Variants in SCAMP1 observed in about 807,000 individuals in gnomAD.
The protein encoded by SCAMP1 is secretory carrier-associated membrane protein 1.
In SCAMP1, 15 loss-of-function variants were observed where a neutral mutation model predicts 41.8. That is an observed-to-expected ratio of 0.36 (90% confidence interval 0.24 to 0.55). SCAMP1 has a LOEUF of 0.55. Among genes scored for constraint, SCAMP1 ranks in the 20% least tolerant of loss-of-function variants. The pLI is 0.86. For synonymous variants in SCAMP1, 135 were observed against 136.8 expected (o/e 0.99, Z 0.09); for missense variants, 341 against 412.6 (o/e 0.83, Z 1.50).
intron 2 of SCAMP1, among the ~76,000 whole-genome samples, chr5:78,405,131 A>G (rs1043647116): frequency 5.3e-5 from 8 of 152,198 alleles, no homozygotes; most frequent in Non-Finnish European, 1.2e-4. Flanking sequence ...TCCAGAATGA[A>G]TTACTGATTT....
At chr5:78,472,221 T>C (rs1417387630) in intron 8 of SCAMP1, among the ~76,000 whole-genome samples, 1 of 152,052 alleles carries the variant, frequency 6.6e-6, no homozygotes, top group African/African-American at 2.4e-5. Context: ...AAAGATAAAT[T>C]AGATTTTATC....
At chr5:78,370,074 C>T (rs1164071316) in intron 1 of SCAMP1, among the ~76,000 whole-genome samples, 5 of 152,154 alleles carry the variant, frequency 3.3e-5, no homozygotes, top group African/African-American at 7.2e-5. Context: ...TGAAACCTGG[C>T]GTTCTTCTTT....
At chr5:78,374,053 A>G (rs1751008403) in intron 1 of SCAMP1, among the ~76,000 whole-genome samples, 1 of 152,146 alleles carries the variant, frequency 6.6e-6, no homozygotes, top group Non-Finnish European at 1.5e-5. Flanking sequence ...TAGGTTATTT[A>G]GTAACGTATA....
At chr5:78,459,446 C>G (rs1036875723) in intron 8 of SCAMP1, 84 bp downstream of exon 8, 2 of 696,440 alleles carry the variant, frequency 2.9e-6, no homozygotes, top group Non-Finnish European at 5.0e-6. Flanking sequence ...TTTGGTGTAA[C>G]CTGAAGCCAT....
In SCAMP1 at chr5:78,480,717, AAAAT is replaced by A. The variant is rs945802697; in HGVS notation, c.*5054_*5057del. ...TCAGAAAGTGATACATGAGAAAATA[AAAAT>A]AAATCCTTAATTCTGTCATCTTGGG... On this transcript the variant is annotated 3_prime_UTR_variant, in exon 9 of 9. Transcript: ENST00000621999. 6.6e-6 allele frequency among the ~76,000 whole-genome samples: 1 copy of A among 152,184 alleles called. No individual in the cohort carries two copies. The highest frequency in any genetic ancestry group is 2.4e-5 in the African/African-American group (1 of 41,450).
chr5:78,420,186 G>C (rs1050820722), intron 5 of SCAMP1, among the ~76,000 whole-genome samples: 1 of 152,130 alleles, frequency 6.6e-6, no homozygotes, highest in Admixed American at 6.5e-5. Flanking sequence ...CTCCTGAGTA[G>C]CTGGGACTAC....
intron 7 of SCAMP1, among the ~76,000 whole-genome samples, chr5:78,457,209 T>C (rs1753433736): frequency 6.6e-6 from 1 of 152,206 alleles, no homozygotes; most frequent in African/African-American, 2.4e-5. Flanking sequence ...TCCATCCAGC[T>C]TTGTTCCGTT....
intron 8 of SCAMP1, among the ~76,000 whole-genome samples, chr5:78,474,495 CTTCTTGAAACTA>C (rs1420719080): frequency 2.0e-5 from 3 of 152,148 alleles, no homozygotes; most frequent in Non-Finnish European, 4.4e-5. Flanking sequence ...TTTTCTCTGT[CTTCTTGAAACTA>C]CTTTCCCAAA....
chr5:78,446,650 G>T (rs1376285265), intron 6 of SCAMP1, among the ~76,000 whole-genome samples: 2 of 152,078 alleles, frequency 1.3e-5, no homozygotes, highest in Non-Finnish European at 1.5e-5. Context: ...GGAGATATGA[G>T]TCATACATAG....
chr5:78,440,985 T>C (rs13153360), intron 6 of SCAMP1, among the ~76,000 whole-genome samples: 123,497 of 152,210 alleles, frequency 0.81, 50,684 homozygotes, highest in East Asian at 0.92. Flanking sequence ...AGCAAGGCTC[T>C]GTGGGCGTGG....
rs891153970 is a variant in SCAMP1 at position 78,422,015 on chromosome 5, C to T, written c.632+55C>T. On this transcript the variant is annotated intron_variant, in intron 6 of 8. Coordinates refer to ENST00000621999, the MANE Select transcript of SCAMP1 (RefSeq NM_004866.6). Reference sequence around the variant, plus strand: ...TTTAAAACCTGTGAAGTAAATAATTCGTAGTATACATTAAAGGGAAAATTG... The same window carrying T: ...TTTAAAACCTGTGAAGTAAATAATTTGTAGTATACATTAAAGGGAAAATTG... 4.9e-6 allele frequency: 7 copies of T among 1,417,220 alleles called. No individual in the cohort carries two copies. The East Asian group carries it at 9.2e-5, about 19-fold the overall frequency. The allele number at this position is 1,417,220 out of a possible 1,614,324, so 87.8% of individuals were successfully genotyped here.
At chr5:78,466,908 G>A (rs1386671280) in intron 8 of SCAMP1, among the ~76,000 whole-genome samples, 1 of 152,174 alleles carries the variant, frequency 6.6e-6, no homozygotes, top group Non-Finnish European at 1.5e-5. Context: ...GAGAAAACGA[G>A]CAGGTAAGGA....
intron 1 of SCAMP1, among the ~76,000 whole-genome samples, chr5:78,381,019 T>C (rs67689570): frequency 0.19 from 28,386 of 151,988 alleles, 3,278 homozygotes; most frequent in Admixed American, 0.35. Context: ...TGAGCTGAGA[T>C]CGTGCTACGG....
At chr5:78,401,882 CTCT>C (rs1213663592) in intron 2 of SCAMP1, among the ~76,000 whole-genome samples, 2 of 151,830 alleles carry the variant, frequency 1.3e-5, no homozygotes, top group Admixed American at 6.6e-5. Context: ...ATTTAATTTG[CTCT>C]TCTTTTTCTA....
intron 6 of SCAMP1, among the ~76,000 whole-genome samples, chr5:78,424,954 C>T (rs1752430449): frequency 6.6e-6 from 1 of 152,130 alleles, no homozygotes; most frequent in Non-Finnish European, 1.5e-5. Flanking sequence ...TGAGCACATG[C>T]AGTAAAACTC....
chr5:78,469,935 A>AAAAAAAAAAAAAAAAAG (rs1753843992), intron 8 of SCAMP1, among the ~76,000 whole-genome samples: 3 of 16,572 alleles, frequency 1.8e-4, no homozygotes, highest in Admixed American at 3.4e-4. Flanking sequence ...AAAAAAAACA[A>AAAAAAAAAAAAAAAAAG]CAACACAGCC....
chr5:78,415,957 A>G (rs1204626248), intron 3 of SCAMP1, among the ~76,000 whole-genome samples: 2 of 152,210 alleles, frequency 1.3e-5, no homozygotes, highest in East Asian at 3.8e-4. Context: ...TGCAATGGTA[A>G]AATAACAGTG....
intron 1 of SCAMP1, among the ~76,000 whole-genome samples, chr5:78,380,569 T>C (rs1751179005): frequency 6.6e-6 from 1 of 152,236 alleles, no homozygotes; most frequent in South Asian, 2.1e-4. Flanking sequence ...TTATTTACAC[T>C]TTTTGAACTA....
At chr5:78,367,953 CTTTA>C (rs1472487806) in intron 1 of SCAMP1, among the ~76,000 whole-genome samples, 7 of 152,210 alleles carry the variant, frequency 4.6e-5, no homozygotes, top group Admixed American at 2.0e-4. Flanking sequence ...CTGAGAGGTC[CTTTA>C]TTTATTTTTT....
Sources: allele counts gnomAD v4.1 joint callset (sites outside exome capture counted in the v4.1 genomes callset), GRCh38; gene constraint gnomAD v4.1.1; transcripts MANE v1.5; gene names NCBI Gene and HGNC (gene_info 2026-07-23, HGNC 2026-07-21).